CDKN2AIPNL: variants seen among roughly 807,000 people sequenced by gnomAD.
The protein encoded by CDKN2AIPNL is CDKN2AIP N-terminal-like protein.
CDKN2AIPNL carries 9 observed loss-of-function variants against 12.9 expected under a neutral mutation model. The observed-to-expected ratio is 0.70, with a 90% CI of 0.42 to 1.22. CDKN2AIPNL has a LOEUF of 1.22. Ranked by LOEUF, CDKN2AIPNL falls within the 50% of genes most tolerant of loss-of-function variation. The pLI, the probability that CDKN2AIPNL is intolerant of heterozygous loss-of-function variation, is 0.00. For missense variants in CDKN2AIPNL, 143 were observed against 153.6 expected (o/e 0.93, Z 0.37); for synonymous variants, 53 against 61.7 (o/e 0.86, Z 0.66).
intron 2 of CDKN2AIPNL, among the ~76,000 whole-genome samples, chr5:134,403,263 G>C (rs1008922775): frequency 2.6e-5 from 4 of 152,184 alleles, no homozygotes; most frequent in African/African-American, 4.8e-5. Flanking sequence ...AACACTTATT[G>C]TTCTAAATTA....
chr5:134,406,568 G>C (rs1759106445), intron 2 of CDKN2AIPNL, among the ~76,000 whole-genome samples: 1 of 152,220 alleles, frequency 6.6e-6, no homozygotes, highest in African/African-American at 2.4e-5. Flanking sequence ...ATGGTACATA[G>C]ATCAGATGAC....
intron 2 of CDKN2AIPNL, among the ~76,000 whole-genome samples, chr5:134,407,654 A>G (rs763404778): frequency 1.7e-4 from 26 of 152,066 alleles, no homozygotes; most frequent in Non-Finnish European, 3.4e-4. Context: ...AGGCGCCTGT[A>G]ATCCCAGCTT....
chr5:134,408,513 C>CAAAAAAAAAA (rs59056879), intron 2 of CDKN2AIPNL, among the ~76,000 whole-genome samples: 7 of 112,664 alleles, frequency 6.2e-5, no homozygotes, highest in African/African-American at 2.1e-4. Context: ...ACTAAAAATA[C>CAAAAAAAAAA]AAAAAAAAAA....
At chr5:134,409,712 A>G (rs762872023) in intron 2 of CDKN2AIPNL, among the ~76,000 whole-genome samples, 191 bp downstream of exon 2, 1 of 152,202 alleles carries the variant, frequency 6.6e-6, no homozygotes, top group Admixed American at 6.5e-5. Context: ...ACAATGCATA[A>G]TTTACCACAG....
intron 1 of CDKN2AIPNL, 57 bp from the exon 2 acceptor site, chr5:134,410,059 A>G (rs1444776819): frequency 1.7e-5 from 21 of 1,217,972 alleles, no homozygotes; most frequent in Non-Finnish European, 2.3e-5. Context: ...CTGTGGATTA[A>G]TAAGAAACTG....
chr5:134,410,870 G>A (rs1759180896), intron 1 of CDKN2AIPNL: 1 of 598,672 alleles, frequency 1.7e-6, no homozygotes, highest in Non-Finnish European at 3.0e-6. Context: ...CAGGAAAATC[G>A]AAGCTCTCTA....
chr5:134,409,947 C>G lies in CDKN2AIPNL; in HGVS notation c.295G>C (p.Glu99Gln), dbSNP rs76067393. 6.2e-7 allele frequency: 1 copy of G among 1,612,452 alleles called. No homozygotes were observed. Among genetic ancestry groups the G allele is most frequent in the South Asian group, 1.1e-5 (1 of 90,928 alleles). Reference sequence around the variant, plus strand: ...CTGGTAGTAAATTGTGGCAGGTCTTCCACTTCAATCCCATCGGCCATTTCC... The same window carrying G: ...CTGGTAGTAAATTGTGGCAGGTCTTGCACTTCAATCCCATCGGCCATTTCC... ...VMEMADGIEV[E>Q]DLPQFTTRSE... is the part of the protein sequence containing the mutation. The change falls in exon 2 of 3, where the codon GAA (glutamate) becomes CAA (glutamine). Residue 99 changes from glutamate to glutamine, a missense_variant. Coordinates refer to ENST00000458198, the MANE Select transcript of CDKN2AIPNL (RefSeq NM_080656.3).
intron 1 of CDKN2AIPNL, 66 bp downstream of exon 1, chr5:134,411,549 GC>G (rs1759190756): frequency 7.2e-7 from 1 of 1,387,414 alleles, no homozygotes; most frequent in Non-Finnish European, 1.0e-6. Context: ...TCAGGGGTGA[GC>G]CCTGGGAGAG....
intron 2 of CDKN2AIPNL, 93 bp from the exon 3 acceptor site, chr5:134,403,019 T>G (rs747967828): frequency 1.3e-5 from 14 of 1,041,124 alleles, no homozygotes; most frequent in Non-Finnish European, 2.0e-5. Flanking sequence ...TGATGTAATA[T>G]TTATGTACTA....
chr5:134,410,753 A>G, intron 1 of CDKN2AIPNL: 1 of 489,284 alleles, frequency 2.0e-6, no homozygotes, highest in Non-Finnish European at 3.7e-6. Flanking sequence ...TGTGAAGCAA[A>G]ACCAAGTGGC....
intron 2 of CDKN2AIPNL, among the ~76,000 whole-genome samples, chr5:134,406,674 T>C (rs1184177505): frequency 6.6e-6 from 1 of 152,158 alleles, no homozygotes; most frequent in African/African-American, 2.4e-5. Flanking sequence ...AGGTGGATCA[T>C]TTGAGACCAG....
intron 1 of CDKN2AIPNL, chr5:134,410,863 G>A (rs1028626088): frequency 3.3e-6 from 2 of 600,940 alleles, no homozygotes; most frequent in African/African-American, 3.7e-5. Context: ...ACAATTTCAG[G>A]AAAATCGAAG....
At chr5:134,411,318 ATAG>A (rs1300533783) in intron 1 of CDKN2AIPNL, among the ~76,000 whole-genome samples, 3 of 152,220 alleles carry the variant, frequency 2.0e-5, no homozygotes, top group Non-Finnish European at 2.9e-5. Flanking sequence ...GCTAATAATA[ATAG>A]TAATACAAAT....
chr5:134,403,798 T>C (rs1433640892), intron 2 of CDKN2AIPNL, among the ~76,000 whole-genome samples: 1 of 152,168 alleles, frequency 6.6e-6, no homozygotes, highest in African/African-American at 2.4e-5. Flanking sequence ...CTAATTTTTG[T>C]AGTTTTTAGT....
intron 1 of CDKN2AIPNL, chr5:134,411,112 T>A (rs1759184240): frequency 2.8e-6 from 2 of 702,556 alleles, no homozygotes; most frequent in Non-Finnish European, 5.2e-6. Context: ...AGCCATAGGA[T>A]ACAGATTACA....
At chr5:134,404,151 T>A (rs1237516286) in intron 2 of CDKN2AIPNL, among the ~76,000 whole-genome samples, 1 of 152,168 alleles carries the variant, frequency 6.6e-6, no homozygotes, top group Non-Finnish European at 1.5e-5. Context: ...TCCACAGGTG[T>A]TTGCAGGTGA....
Position 134,402,264 on chromosome 5 carries a change from TTTTG to T in CDKN2AIPNL, c.*647_*650del, listed in dbSNP as rs1275106978. The T allele has an allele frequency of 1.3e-5, 2 of 152,042 alleles. No individual in the cohort carries two copies. Among genetic ancestry groups the T allele is most frequent in the African/African-American group, 4.8e-5 (2 of 41,346 alleles). 9.4% of individuals were successfully genotyped at this position (152,042 alleles called of 1,614,324 possible). ...GATGTCCGCCACCATGCCCAGCTAA[TTTTG>T]TTTGTATTTTTAGTAGAGACGGGGT... On this transcript the variant is annotated 3_prime_UTR_variant, in exon 3 of 3. Transcript: ENST00000458198.
At chr5:134,411,532 G>A (rs1032856992) in intron 1 of CDKN2AIPNL, 84 bp downstream of exon 1, 21 of 1,222,108 alleles carry the variant, frequency 1.7e-5, no homozygotes, top group Admixed American at 4.7e-5. Flanking sequence ...TGGGGCAGAG[G>A]TTCGGGTCAG....
At chr5:134,410,804 T>C in intron 1 of CDKN2AIPNL, 1 of 571,524 alleles carries the variant, frequency 1.7e-6, no homozygotes, top group South Asian at 2.1e-5. Flanking sequence ...CAGGCAGCCA[T>C]AATAGGTATA....
Sources: allele counts gnomAD v4.1 joint callset (sites outside exome capture counted in the v4.1 genomes callset), GRCh38; gene constraint gnomAD v4.1.1; transcripts MANE v1.5; gene names NCBI Gene and HGNC (gene_info 2026-07-23, HGNC 2026-07-21).